CSMD2: variants seen among roughly 807,000 people sequenced by gnomAD.
CSMD2 encodes the protein CUB and sushi domain-containing protein 2.
Under a neutral mutation model 398.5 loss-of-function variants are expected in CSMD2, and 130 were observed. The observed-to-expected ratio is 0.33, with a 90% CI of 0.28 to 0.38. The LOEUF (loss-of-function observed/expected upper bound fraction) is 0.38, where lower values mean the gene tolerates loss of function less well. Among genes scored for constraint, CSMD2 ranks in the 10% least tolerant of loss-of-function variants. CSMD2 has a pLI of 1.00. For missense variants in CSMD2, 3,829 were observed against 4,764.9 expected (o/e 0.80, Z 5.78); for synonymous variants, 1,828 against 1,908.5 (o/e 0.96, Z 1.10).
At chr1:33,920,693 G>A (rs1349990519) in intron 4 of CSMD2, among the ~76,000 whole-genome samples, 2 of 152,174 alleles carry the variant, frequency 1.3e-5, no homozygotes, top group Non-Finnish European at 2.9e-5. Flanking sequence ...GCCAGTGGAG[G>A]GTTCTGAGCT....
chr1:33,895,318 G>A (rs1642307836), intron 5 of CSMD2, among the ~76,000 whole-genome samples: 1 of 152,166 alleles, frequency 6.6e-6, no homozygotes, highest in Non-Finnish European at 1.5e-5. Flanking sequence ...CATGATACAG[G>A]CACAGAGCAC....
chr1:33,767,096 G>T (rs1650606049), intron 13 of CSMD2, among the ~76,000 whole-genome samples: 1 of 152,184 alleles, frequency 6.6e-6, no homozygotes, highest in African/African-American at 2.4e-5. Context: ...AATATAATTG[G>T]TTGAATAAGT....
chr1:34,164,876 G>C lies in CSMD2; in HGVS notation c.187+35C>G. The C allele has an allele frequency of 8.2e-7, 1 of 1,217,198 alleles. No individual in the cohort carries two copies. 75.4% of individuals were successfully genotyped at this position (1,217,198 alleles called of 1,614,324 possible). ...GGCTCGGGGCTCGGGTGGGGCGCGCGGCGGCCGCTGGCTCCTCGGCGCGGC... is the reference window on the plus strand; with the variant it reads ...GGCTCGGGGCTCGGGTGGGGCGCGCCGCGGCCGCTGGCTCCTCGGCGCGGC... On this transcript the variant is annotated intron_variant, in intron 1 of 70. Coordinates refer to ENST00000373381, the MANE Select transcript of CSMD2 (RefSeq NM_001281956.2). This position sits in a 1 kb window ranked among gnomAD's most constrained non-coding sequence, Gnocchi z 6.2.
chr1:34,087,993 T>A (rs1326139318), intron 2 of CSMD2, among the ~76,000 whole-genome samples: 1 of 152,194 alleles, frequency 6.6e-6, no homozygotes, highest in East Asian at 1.9e-4. Flanking sequence ...CCCCCCCGCC[T>A]CTGCTGCAGG....
intron 5 of CSMD2, chr1:33,864,469 C>A: frequency 6.2e-7 from 1 of 1,613,382 alleles, no homozygotes; most frequent in East Asian, 2.2e-5. Context: ...CCCCAGGAAC[C>A]CAGACGGCCT....
chr1:34,017,982 T>TC (rs1389246160), intron 3 of CSMD2, among the ~76,000 whole-genome samples: 1 of 152,144 alleles, frequency 6.6e-6, no homozygotes, highest in African/African-American at 2.4e-5. Flanking sequence ...TTGGTTTTTC[T>TC]CCCATTTGCT....
intron 60 of CSMD2, among the ~76,000 whole-genome samples, chr1:33,540,136 C>T (rs747305536): frequency 9.9e-5 from 15 of 152,010 alleles, no homozygotes; most frequent in Non-Finnish European, 2.2e-4. Flanking sequence ...AGCAACTCAC[C>T]AGAAAATCAC....
At chr1:33,580,998 A>T in intron 47 of CSMD2, 99 bp from the exon 48 acceptor site, 1 of 1,195,736 alleles carries the variant, frequency 8.4e-7, no homozygotes, top group Non-Finnish European at 1.2e-6. Context: ...ACTTGTTCAG[A>T]GTCAGCAAAA....
chr1:33,568,458 A>T (rs1315355975), intron 52 of CSMD2, among the ~76,000 whole-genome samples: 3 of 152,152 alleles, frequency 2.0e-5, no homozygotes, highest in African/African-American at 7.2e-5. Flanking sequence ...AAGTGCTGGG[A>T]TTACAGGCGT....
At chr1:33,684,786 TCCCTGTAGTCCA>T (rs1296493797) in intron 25 of CSMD2, among the ~76,000 whole-genome samples, 2 of 152,262 alleles carry the variant, frequency 1.3e-5, no homozygotes, top group Non-Finnish European at 2.9e-5. Context: ...AGGTGCTTCC[TCCCTGTAGTCCA>T]CCCCCAACTG....
chr1:33,657,062 TCA>T (rs1187921758), intron 27 of CSMD2, among the ~76,000 whole-genome samples: 2 of 152,146 alleles, frequency 1.3e-5, no homozygotes, highest in African/African-American at 4.8e-5. Flanking sequence ...CCTCCTCCTC[TCA>T]GTCTCAAGTA....
intron 53 of CSMD2, among the ~76,000 whole-genome samples, chr1:33,560,767 G>T (rs1372850835): frequency 2.0e-5 from 3 of 152,238 alleles, no homozygotes; most frequent in Non-Finnish European, 4.4e-5. Flanking sequence ...TCAGCTGAAT[G>T]CAAGCTCCTT....
intron 47 of CSMD2, among the ~76,000 whole-genome samples, chr1:33,581,400 A>T (rs1638700892): frequency 6.7e-6 from 1 of 148,800 alleles, no homozygotes; most frequent in South Asian, 2.1e-4. Flanking sequence ...TTATCTGGTC[A>T]TGGTGGTGCA....
chr1:33,532,298 A>G lies in CSMD2; in HGVS notation c.10171+752T>C, dbSNP rs1427577278. 7.9e-5 allele frequency among the ~76,000 whole-genome samples: 12 copies of G among 152,266 alleles called. No homozygotes were observed. The South Asian group carries it at 2.5e-3, about 31-fold the overall frequency. On this transcript the variant is annotated intron_variant, in intron 64 of 70. Coordinates refer to ENST00000373381, the MANE Select transcript of CSMD2 (RefSeq NM_001281956.2). ...CATAGGATCTTGTGAAGATTAAATG[A>G]GTTGAAACATACAAAGCATTTAGCA... is the stretch of plus-strand genomic sequence containing the variant.
chr1:34,100,394 A>C (rs1659827370), intron 1 of CSMD2, among the ~76,000 whole-genome samples: 1 of 152,210 alleles, frequency 6.6e-6, no homozygotes, highest in Non-Finnish European at 1.5e-5. Context: ...CATTTAAAAA[A>C]TAAAACTGTA....
At chr1:34,150,678 T>C (rs946259689) in intron 1 of CSMD2, among the ~76,000 whole-genome samples, 1 of 151,820 alleles carries the variant, frequency 6.6e-6, no homozygotes, top group South Asian at 2.1e-4. Flanking sequence ...TTTGGGAGGC[T>C]GAAGGGGGAA....
rs936900076 is a variant in CSMD2 at position 33,929,432 on chromosome 1, C to CTTTTTTTTTTTTTTTTTTTTTT, written c.712+6306_712+6327dup. 1.4e-4 allele frequency among the ~76,000 whole-genome samples: 14 copies of CTTTTTTTTTTTTTTTTTTTTTT among 100,666 alleles called. 3 individuals are homozygous for CTTTTTTTTTTTTTTTTTTTTTT. Among genetic ancestry groups the CTTTTTTTTTTTTTTTTTTTTTT allele is most frequent in the African/African-American group, 5.3e-4 (12 of 22,550 alleles). 66.0% of individuals were successfully genotyped at this position (100,666 alleles called of 152,430 possible). ...TCCTGAACTCAGAACCAAGCCTATA[C>CTTTTTTTTTTTTTTTTTTTTTT]TTTTTTTTTTTTTTTTTTTTTTTGA... On this transcript the variant is annotated intron_variant, in intron 4 of 70. Transcript: ENST00000373381.
chr1:33,737,452 C>T (rs1184931554), intron 15 of CSMD2, among the ~76,000 whole-genome samples: 1 of 152,186 alleles, frequency 6.6e-6, no homozygotes, highest in Non-Finnish European at 1.5e-5. Flanking sequence ...ATGGCCAACA[C>T]TTATTGAGTG....
At chr1:33,562,628 C>A (rs1258781918) in intron 53 of CSMD2, among the ~76,000 whole-genome samples, 1 of 152,176 alleles carries the variant, frequency 6.6e-6, no homozygotes, top group Non-Finnish European at 1.5e-5. Context: ...GCCGTGATAC[C>A]TAGACATATG....
Sources: gnomAD v4.1 joint callset for allele counts (sites outside exome capture counted in the v4.1 genomes callset) on GRCh38, gnomAD v4.1.1 for gene constraint, Gnocchi (gnomAD v3.1) non-coding constraint, MANE v1.5 for transcripts, NCBI Gene and HGNC (gene_info 2026-07-23, HGNC 2026-07-21) for gene names.